Variants in MAP3K5 observed in about 807,000 individuals in gnomAD.
MAP3K5 encodes the protein mitogen-activated protein kinase kinase kinase 5.
A neutral mutation model predicts 158.7 loss-of-function variants in MAP3K5; 56 were observed. That is an observed-to-expected ratio of 0.35 (90% CI 0.28 to 0.44). The LOEUF is 0.44. Ranked by LOEUF, MAP3K5 falls within the 20% of genes least tolerant of loss-of-function variation. The probability of loss-of-function intolerance (pLI) is 1.00; values close to 1 mark genes in which losing one functional copy is unlikely to be tolerated. For synonymous variants in MAP3K5, 579 were observed against 601.7 expected (o/e 0.96, Z 0.55); for missense variants, 1,294 against 1,674.8 (o/e 0.77, Z 3.97).
chr6:136,629,236 G>T (rs917425454), intron 14 of MAP3K5: 1 of 152,212 alleles, frequency 6.6e-6, no homozygotes, highest in Admixed American at 6.5e-5. Flanking sequence ...AACCACCTTA[G>T]AAAAAACCAT....
chr6:136,730,841 C>T (rs1782194711), intron 1 of MAP3K5, among the ~76,000 whole-genome samples: 1 of 151,992 alleles, frequency 6.6e-6, no homozygotes, highest in Non-Finnish European at 1.5e-5. Context: ...TCAGGAATTC[C>T]CCTCCTCATT....
chr6:136,589,652 G>T (rs1449772117), intron 23 of MAP3K5, among the ~76,000 whole-genome samples: 1 of 152,148 alleles, frequency 6.6e-6, no homozygotes, highest in Admixed American at 6.5e-5. Flanking sequence ...TCGTAAGGGT[G>T]GGGCCCTAAT....
intron 25 of MAP3K5, among the ~76,000 whole-genome samples, chr6:136,573,713 C>G (rs1437361128): frequency 6.6e-6 from 1 of 152,052 alleles, no homozygotes. Flanking sequence ...CCAGGACCCT[C>G]TGAGAACAAT....
At chr6:136,720,689 A>T (rs1396408822) in intron 1 of MAP3K5, 100 bp from the exon 2 acceptor site, 9 of 822,062 alleles carry the variant, frequency 1.1e-5, no homozygotes, top group South Asian at 8.1e-5. Flanking sequence ...AGAGGAAATA[A>T]GGAAACGATA....
chr6:136,561,332 T>C (rs914623916), intron 28 of MAP3K5, among the ~76,000 whole-genome samples: 8 of 152,220 alleles, frequency 5.3e-5, no homozygotes, highest in Admixed American at 2.6e-4. Context: ...TTTTTCTTCA[T>C]AGAATTTACC....
intron 21 of MAP3K5, among the ~76,000 whole-genome samples, chr6:136,599,243 G>A (rs1775772826): frequency 6.6e-6 from 1 of 151,992 alleles, no homozygotes; most frequent in African/African-American, 2.4e-5. Context: ...GGAGAGGGAG[G>A]AGGCACATCA....
chr6:136,733,656 T>C (rs1422206232), intron 1 of MAP3K5, among the ~76,000 whole-genome samples: 2 of 152,118 alleles, frequency 1.3e-5, no homozygotes, highest in Non-Finnish European at 2.9e-5. Flanking sequence ...AGAGCTGTTT[T>C]AGGTTCATGG....
At chr6:136,719,546 T>C (rs1471640896) in intron 2 of MAP3K5, among the ~76,000 whole-genome samples, 1 of 152,218 alleles carries the variant, frequency 6.6e-6, no homozygotes, top group African/African-American at 2.4e-5. Context: ...TTCTGCAGAT[T>C]TCTCAAAGAA....
intron 14 of MAP3K5, among the ~76,000 whole-genome samples, chr6:136,635,128 T>TAA (rs758234854): frequency 3.9e-5 from 5 of 129,678 alleles, no homozygotes; most frequent in African/African-American, 1.1e-4. Context: ...ATCTCTGGTT[T>TAA]AAAAAAAAAA....
In MAP3K5 at chr6:136,605,468, TA is replaced by T. The variant is rs1473396169; in HGVS notation, c.2522-103del. On this transcript the variant is annotated intron_variant, in intron 18 of 29. Coordinates refer to ENST00000359015, the MANE Select transcript of MAP3K5 (RefSeq NM_005923.4). ...TTTTTCAACAGAAATGAGACAACTG[TA>T]AAAACATGATTCAAGTCCTAATATC... 3.1e-6 allele frequency: 3 copies of T among 959,922 alleles called. No individual in the cohort carries two copies. In the East Asian group the frequency reaches 7.8e-5, roughly 25 times the overall value. 59.5% of individuals were successfully genotyped at this position (959,922 alleles called of 1,614,324 possible).
At chr6:136,558,128 C>T (rs766715477) in intron 29 of MAP3K5, among the ~76,000 whole-genome samples, 3 of 152,250 alleles carry the variant, frequency 2.0e-5, no homozygotes, top group Admixed American at 1.3e-4. Flanking sequence ...CCTGTAATCC[C>T]AGCACTTTAG....
intron 2 of MAP3K5, among the ~76,000 whole-genome samples, chr6:136,716,993 A>C (rs910155197): frequency 2.0e-5 from 3 of 152,082 alleles, no homozygotes; most frequent in African/African-American, 7.2e-5. Flanking sequence ...CCCCATCTCT[A>C]CTAAAAATAT....
At chr6:136,733,267 G>A (rs1219621330) in intron 1 of MAP3K5, among the ~76,000 whole-genome samples, 1 of 152,154 alleles carries the variant, frequency 6.6e-6, no homozygotes, top group Non-Finnish European at 1.5e-5. Context: ...TAAAGTACTG[G>A]GATTACAGGC....
chr6:136,698,900 G>T (rs6907287), intron 3 of MAP3K5, among the ~76,000 whole-genome samples: 11,122 of 152,122 alleles, frequency 0.073, 1,385 homozygotes, highest in African/African-American at 0.25. Flanking sequence ...AAAAAGAGTG[G>T]AACAGTTTCT....
intron 7 of MAP3K5, among the ~76,000 whole-genome samples, chr6:136,682,528 T>C (rs995396818): frequency 2.0e-5 from 3 of 152,222 alleles, no homozygotes; most frequent in African/African-American, 7.2e-5. Flanking sequence ...ACTGTTTGAA[T>C]AGCACTGTCA....
chr6:136,670,048 A>G (rs114055310), intron 7 of MAP3K5, among the ~76,000 whole-genome samples: 1 of 152,278 alleles, frequency 6.6e-6, no homozygotes, highest in African/African-American at 2.4e-5. Context: ...AGAATGATAT[A>G]AAAATGAAAT....
intron 1 of MAP3K5, among the ~76,000 whole-genome samples, chr6:136,732,075 T>C (rs1237614846): frequency 6.6e-6 from 1 of 152,144 alleles, no homozygotes; most frequent in African/African-American, 2.4e-5. Flanking sequence ...ATGGGTTGGG[T>C]TCTATGACAG....
intron 25 of MAP3K5, among the ~76,000 whole-genome samples, chr6:136,572,344 C>T (rs1389027999): frequency 6.6e-6 from 1 of 152,176 alleles, no homozygotes; most frequent in African/African-American, 2.4e-5. Flanking sequence ...CTGCAACCTC[C>T]ACCTCCTGGG....
intron 1 of MAP3K5, among the ~76,000 whole-genome samples, chr6:136,748,312 A>G (rs1393126571): frequency 6.6e-6 from 1 of 152,178 alleles, no homozygotes; most frequent in Non-Finnish European, 1.5e-5. Flanking sequence ...GAACCGTATT[A>G]ATTTATACCT....
Sources: gnomAD v4.1 joint callset for allele counts (sites outside exome capture counted in the v4.1 genomes callset) on GRCh38, gnomAD v4.1.1 for gene constraint, MANE v1.5 for transcripts, NCBI Gene and HGNC (gene_info 2026-07-23, HGNC 2026-07-21) for gene names.